SLC6A17: variants seen among roughly 807,000 people sequenced by gnomAD.
SLC6A17 encodes the protein solute carrier family 6 member 17.
A neutral mutation model predicts 64.5 loss-of-function variants in SLC6A17; 21 were observed. That is an observed-to-expected ratio of 0.33 (90% CI 0.23 to 0.47). SLC6A17 has a LOEUF of 0.47. SLC6A17 is among the 20% of genes least tolerant of loss of function. SLC6A17 has a pLI of 1.00. For missense variants in SLC6A17, 682 were observed against 963.2 expected, an observed-to-expected ratio of 0.71 and a Z score of 3.86; for synonymous variants, 372 against 399.5, an observed-to-expected ratio of 0.93 and a Z score of 0.82.
intron 1 of SLC6A17, among the ~76,000 whole-genome samples, chr1:110,165,673 C>G (rs1656028904): frequency 6.6e-6 from 1 of 152,206 alleles, no homozygotes. Flanking sequence ...TGGGTCAAGG[C>G]TGGCAGGAAG....
Position 110,202,011 on chromosome 1 carries a change from G to A in SLC6A17, c.*3567G>A, listed in dbSNP as rs1571009312. On this transcript the variant is annotated 3_prime_UTR_variant, in exon 12 of 12. Coordinates refer to ENST00000331565, the MANE Select transcript of SLC6A17 (RefSeq NM_001010898.4). The stretch of plus-strand genomic sequence containing the variant: ...AAAGCTCTGCTTTATACAGACCCAA[G>A]CATACACACCAGGCCGTCACTTTGG... 6.6e-6 allele frequency: 1 copy of A among 152,156 alleles called. No homozygotes were observed. Among genetic ancestry groups the A allele is most frequent in the East Asian group, 1.9e-4 (1 of 5,190 alleles). 9.4% of individuals were successfully genotyped at this position (152,156 alleles called of 1,614,324 possible).
intron 1 of SLC6A17, among the ~76,000 whole-genome samples, chr1:110,153,554 T>TGTGTGTGTG (rs1553203115): frequency 4.0e-5 from 6 of 151,330 alleles, no homozygotes; most frequent in African/African-American, 7.3e-5. Context: ...TGTGTGTGCA[T>TGTGTGTGTG]TGCATTCACC....
chr1:110,171,019 T>A (rs914392389), intron 2 of SLC6A17, among the ~76,000 whole-genome samples: 1 of 152,254 alleles, frequency 6.6e-6, no homozygotes, highest in Non-Finnish European at 1.5e-5. Flanking sequence ...AATAGCTGAT[T>A]GTTGCCAACT....
In SLC6A17 at chr1:110,192,762, G is replaced by A. The variant is rs1163539629; in HGVS notation, c.1299+64G>A. The A allele has an allele frequency of 2.6e-6, 4 of 1,532,166 alleles. No individual in the cohort carries two copies. In the East Asian group the frequency reaches 6.9e-5, roughly 26 times the overall value. The allele number at this position is 1,532,166 out of a possible 1,614,324, so 94.9% of individuals were successfully genotyped here. A position where few individuals can be genotyped will look rare whatever the true frequency, so the allele number is the denominator to read the frequency against. On this transcript the variant is annotated intron_variant, in intron 8 of 11. Transcript: ENST00000331565. The surrounding 1 kb of genome is among the most constrained non-coding windows in gnomAD (Gnocchi z 4.3). ...CCCAGAGAGCAGCTGTGGCCGGCGG[G>A]AGCTTGGGCTCAGGCCTCAGGATGC...
At chr1:110,167,575 C>A (rs1031840922) in intron 2 of SLC6A17, among the ~76,000 whole-genome samples, 1 of 152,158 alleles carries the variant, frequency 6.6e-6, no homozygotes, top group African/African-American at 2.4e-5. Flanking sequence ...GCTTTACGTG[C>A]AGAATGGGCA....
At position 110,170,439 on chromosome 1, in the gene SLC6A17, G is replaced by A. The variant is rs555856906; in HGVS notation, c.287-1621G>A. ...GCAGAGCTTGCAGTGAGCCGAGATC[G>A]CGCCACTGCCCTCCAGCCTGGGCAA... On this transcript the variant is annotated intron_variant, in intron 2 of 11. Transcript: ENST00000331565. Among the ~76,000 whole-genome samples the A allele has an allele frequency of 2.3e-4, 35 of 152,278 alleles. 1 individual carries two copies. In the South Asian group the frequency reaches 3.1e-3, roughly 14 times the overall value.
intron 8 of SLC6A17, among the ~76,000 whole-genome samples, chr1:110,193,744 G>A (rs1656888545): frequency 1.3e-5 from 2 of 152,350 alleles, no homozygotes; most frequent in Admixed American, 1.3e-4. Context: ...CAGCATAAAG[G>A]ACCTCCCCTT....
rs747459712 is a variant in SLC6A17, at chr1:110,192,072, A to C, written c.965A>C (p.Tyr322Ser). The change falls in exon 7 of 12, where the codon TAC (tyrosine) becomes TCC (serine). Residue 322 changes from tyrosine (Y) to serine (S), a missense_variant. Physicochemically the swap from Tyr to Ser is moderately radical, Grantham distance 144. Coordinates refer to ENST00000331565, the MANE Select transcript of SLC6A17 (RefSeq NM_001010898.4). This position sits in a 1 kb window ranked among gnomAD's most constrained non-coding sequence, Gnocchi z 4.3. Reference sequence around the variant, plus strand: ...GGTGGTGTCATTGCCTTCTCCAGCTACAATAAGCAGGACAACAACTGCCAC... The same window carrying C: ...GGTGGTGTCATTGCCTTCTCCAGCTCCAATAAGCAGGACAACAACTGCCAC... ...GFGGVIAFSS[Y>S]NKQDNNCHFD... 1 of 1,614,200 alleles carries C rather than the reference A, an allele frequency of 6.2e-7. No individual in the cohort carries two copies. Among genetic ancestry groups the C allele is most frequent in the Non-Finnish European group, 8.5e-7 (1 of 1,180,042 alleles).
At chr1:110,166,773 G>A in intron 1 of SLC6A17, 70 bp from the exon 2 acceptor site, 1 of 906,056 alleles carries the variant, frequency 1.1e-6, no homozygotes, top group Non-Finnish European at 1.6e-6. Context: ...AATTTGGGTT[G>A]TGTCCACGTT....
intron 1 of SLC6A17, among the ~76,000 whole-genome samples, chr1:110,159,033 T>G (rs1478886648): frequency 6.6e-6 from 1 of 152,194 alleles, no homozygotes; most frequent in Non-Finnish European, 1.5e-5. Context: ...CTTCCATGTC[T>G]TCATTTGTAA....
intron 6 of SLC6A17, among the ~76,000 whole-genome samples, chr1:110,189,191 C>G (rs1656763412): frequency 6.6e-6 from 1 of 152,252 alleles, no homozygotes; most frequent in Non-Finnish European, 1.5e-5. Context: ...CCAGGCTCAT[C>G]TGTCCAGCGG....
At position 110,190,776 on chromosome 1, in the gene SLC6A17, G is replaced by C. The variant is rs1656804383; in HGVS notation, c.865-1196G>C. On this transcript the variant is annotated intron_variant, in intron 6 of 11. Transcript: ENST00000331565. Reference sequence around the variant, plus strand: ...TCACCTCAGCAGCAAAGGTCACAGGGGAAAATGCTTTAAAGAGTATAGGTG... The same window carrying C: ...TCACCTCAGCAGCAAAGGTCACAGGCGAAAATGCTTTAAAGAGTATAGGTG... 1.3e-5 allele frequency among the ~76,000 whole-genome samples: 2 copies of C among 152,032 alleles called. 1 individual carries two copies. The highest frequency in any genetic ancestry group is 4.2e-4 in the South Asian group (2 of 4,818).
rs116704177 is a variant in SLC6A17 at position 110,190,607 on chromosome 1, C to T, written c.865-1365C>T. Among the ~76,000 whole-genome samples, 731 of 152,296 alleles carry T rather than the reference C, an allele frequency of 4.8e-3. 7 individuals are homozygous for T. Among genetic ancestry groups the T allele is most frequent in the African/African-American group, 0.017 (706 of 41,540 alleles). ...AGACGGACCCTAGAGTCCAACACCT[C>T]ACTGTTCAGGTGAGGACTTACCCAC... On this transcript the variant is annotated intron_variant, in intron 6 of 11. Coordinates refer to ENST00000331565, the MANE Select transcript of SLC6A17 (RefSeq NM_001010898.4).
At chr1:110,180,629 T>G (rs1315559781) in intron 6 of SLC6A17, among the ~76,000 whole-genome samples, 1 of 152,150 alleles carries the variant, frequency 6.6e-6, no homozygotes, top group African/African-American at 2.4e-5. Context: ...CAAACTACTG[T>G]TGCAGAGCTG....
chr1:110,170,186 A>G (rs1156909178), intron 2 of SLC6A17, among the ~76,000 whole-genome samples: 2 of 152,186 alleles, frequency 1.3e-5, no homozygotes, highest in Non-Finnish European at 2.9e-5. Flanking sequence ...GGGGCGAAAT[A>G]CAAAACCAGT....
chr1:110,172,222 G>T lies in SLC6A17; in HGVS notation c.444+5G>T. On this transcript the variant is annotated splice_donor_5th_base_variant and intron_variant, in intron 3 of 11. Transcript: ENST00000331565. ...ATCGGCTTCTCCAGCTGCATAGTGAGTCAAGGGCTGGGGCAGGCACTGAGT... is the reference window on the plus strand; with the variant it reads ...ATCGGCTTCTCCAGCTGCATAGTGATTCAAGGGCTGGGGCAGGCACTGAGT... 1 of 1,576,262 alleles carries T rather than the reference G, an allele frequency of 6.3e-7. No homozygotes were observed.
Position 110,174,780 on chromosome 1 carries a change from G to A in SLC6A17, c.573G>A (p.Val191=). Residue 191 remains valine (V), a splice_region_variant and synonymous_variant, in exon 5 of 12, where the codon GTG becomes GTA. Transcript: ENST00000331565. ...CPVVRNGSVA[V]VEAECEKSSA... ...CTGTGACCTTTGCTGCTATTTCAGT[G>A]GTGGAGGCAGAGTGTGAAAAGAGCT... 6.2e-7 allele frequency: 1 copy of A among 1,613,828 alleles called. No individual in the cohort carries two copies. The highest frequency in any genetic ancestry group is 8.5e-7 in the Non-Finnish European group (1 of 1,179,810).
intron 1 of SLC6A17, among the ~76,000 whole-genome samples, chr1:110,158,473 T>C (rs948142101): frequency 6.6e-6 from 1 of 152,214 alleles, no homozygotes; most frequent in African/African-American, 2.4e-5. Flanking sequence ...GCTAAGCCCA[T>C]TTCCCACATG....
chr1:110,179,320 A>G (rs932077169), intron 6 of SLC6A17, among the ~76,000 whole-genome samples: 3 of 152,172 alleles, frequency 2.0e-5, no homozygotes, highest in Non-Finnish European at 4.4e-5. Flanking sequence ...AAGGGTATGC[A>G]TATCTTCAGT....
Sources: allele counts gnomAD v4.1 joint callset (sites outside exome capture counted in the v4.1 genomes callset), GRCh38; gene constraint gnomAD v4.1.1; non-coding constraint Gnocchi (gnomAD v3.1); transcripts MANE v1.5; gene names NCBI Gene and HGNC (gene_info 2026-07-23, HGNC 2026-07-21).